The following RNF19A variants were observed in gnomAD, a reference collection of about 807,000 sequenced individuals.
RNF19A encodes the protein E3 ubiquitin-protein ligase RNF19A.
In RNF19A, 32 loss-of-function variants were observed where a neutral mutation model predicts 75.7. That is an observed-to-expected ratio of 0.42 (90% CI 0.32 to 0.57). The LOEUF (loss-of-function observed/expected upper bound fraction) is 0.57, where lower values mean the gene tolerates loss of function less well. RNF19A is among the 20% of genes least tolerant of loss of function. The probability of loss-of-function intolerance (pLI) is 0.10; values close to 1 mark genes in which losing one functional copy is unlikely to be tolerated. For missense variants in RNF19A, 782 were observed against 1,036.3 expected, an observed-to-expected ratio of 0.75 and a Z score of 3.37; for synonymous variants, 335 against 345.2, an observed-to-expected ratio of 0.97 and a Z score of 0.33.
intron 1 of RNF19A, among the ~76,000 whole-genome samples, chr8:100,318,234 A>G (rs1045295081): frequency 1.3e-5 from 2 of 152,170 alleles, no homozygotes; most frequent in African/African-American, 4.8e-5. Flanking sequence ...CTGGAAACCT[A>G]ATTGTGGAAC....
chr8:100,295,153 G>A (rs915214492), intron 1 of RNF19A, among the ~76,000 whole-genome samples: 2 of 152,064 alleles, frequency 1.3e-5, no homozygotes, highest in African/African-American at 2.4e-5. Flanking sequence ...ACTTTGCAAG[G>A]ATCTAAATTT....
intron 1 of RNF19A, chr8:100,309,565 G>A (rs1822213219): frequency 2.0e-6 from 2 of 980,518 alleles, no homozygotes; most frequent in Non-Finnish European, 2.4e-6. Flanking sequence ...CAGGCACCAG[G>A]AGGACAGGGC....
chr8:100,308,679 C>A (rs1052790476), intron 1 of RNF19A, among the ~76,000 whole-genome samples: 2 of 138,328 alleles, frequency 1.4e-5, no homozygotes, highest in African/African-American at 5.0e-5. Context: ...ATGAAAAGAA[C>A]CATGTTCTTT....
At chr8:100,293,739 T>C (rs1298186067) in intron 1 of RNF19A, among the ~76,000 whole-genome samples, 2 of 152,212 alleles carry the variant, frequency 1.3e-5, no homozygotes, top group Non-Finnish European at 2.9e-5. Flanking sequence ...ATTATTTGTA[T>C]GTCAGTTTGA....
chr8:100,266,626 C>T (rs1400935409), intron 5 of RNF19A, among the ~76,000 whole-genome samples: 1 of 152,088 alleles, frequency 6.6e-6, no homozygotes, highest in African/African-American at 2.4e-5. Context: ...TCCTCCCATC[C>T]CAGCTTCCTT....
chr8:100,273,907 G>T (rs1204062500), intron 3 of RNF19A, among the ~76,000 whole-genome samples: 1 of 151,952 alleles, frequency 6.6e-6, no homozygotes, highest in Non-Finnish European at 1.5e-5. Context: ...CTCACCTCCC[G>T]AGTAGCTGGG....
In RNF19A at chr8:100,323,899, A is replaced by G. The variant is rs1186982256; in HGVS notation, c.-242-10527T>C. 1.3e-5 allele frequency among the ~76,000 whole-genome samples: 2 copies of G among 152,216 alleles called. No individual in the cohort carries two copies. Among genetic ancestry groups the G allele is most frequent in the Non-Finnish European group, 2.9e-5 (2 of 68,034 alleles). On this transcript the variant is annotated intron_variant, in intron 1 of 3. Coordinates refer to the RNF19A transcript ENST00000519527. The surrounding 1 kb of genome is among the most constrained non-coding windows in gnomAD (Gnocchi z 4.6). ...AACATTCCTGTCAACGATCAAAGAA[A>G]GTAAGATTTTTAAATGGTTGGATAA...
chr8:100,333,989 A>G lies in RNF19A; in HGVS notation c.-243+2119T>C, dbSNP rs1461873191. On this transcript the variant is annotated intron_variant, in intron 1 of 3. Coordinates refer to the RNF19A transcript ENST00000519527. This position sits in a 1 kb window ranked among gnomAD's most constrained non-coding sequence, Gnocchi z 4.7. The stretch of plus-strand genomic sequence containing the variant: ...CCAAGTGTATTTACTACTACTGCCC[A>G]ATAAACATCCTCCACCCTAGTTGGA... Among the ~76,000 whole-genome samples, 4 of 152,244 alleles carry G rather than the reference A, an allele frequency of 2.6e-5. No homozygotes were observed. The highest frequency in any genetic ancestry group is 9.6e-5 in the African/African-American group (4 of 41,458).
chr8:100,285,690 T>C (rs913530559), intron 2 of RNF19A, among the ~76,000 whole-genome samples: 5 of 151,968 alleles, frequency 3.3e-5, no homozygotes, highest in Admixed American at 6.6e-5. Context: ...TGGAGTATAG[T>C]GGCGCAATCA....
intron 1 of RNF19A, chr8:100,309,637 C>G (rs1822217525): frequency 4.3e-6 from 4 of 931,096 alleles, no homozygotes; most frequent in South Asian, 4.9e-5. Context: ...GCGCCTGGGC[C>G]GGGTAGGGGA....
Position 100,332,901 on chromosome 8 carries a change from T to C in RNF19A, c.-243+3207A>G, listed in dbSNP as rs562122641. On this transcript the variant is annotated intron_variant, in intron 1 of 3. Transcript: ENST00000519527. This position sits in a 1 kb window ranked among gnomAD's most constrained non-coding sequence, Gnocchi z 4.8. Reference sequence around the variant, plus strand: ...GTGGAAATTAGCCTCTTTTCTATCATATGTGTTTCAATTTTTTTCTATATT... The same window carrying C: ...GTGGAAATTAGCCTCTTTTCTATCACATGTGTTTCAATTTTTTTCTATATT... 1.3e-5 allele frequency among the ~76,000 whole-genome samples: 2 copies of C among 152,362 alleles called. No homozygotes were observed. The highest frequency in any genetic ancestry group is 1.9e-4 in the East Asian group (1 of 5,192).
chr8:100,309,547 C>A (rs979517942), intron 1 of RNF19A: 15 of 984,702 alleles, frequency 1.5e-5, no homozygotes, highest in Admixed American at 6.1e-5. Context: ...GGCCGGCCGC[C>A]GGCCGCACAG....
At chr8:100,291,480 A>G (rs1471285024) in intron 1 of RNF19A, among the ~76,000 whole-genome samples, 3 of 152,218 alleles carry the variant, frequency 2.0e-5, no homozygotes, top group African/African-American at 7.2e-5. Flanking sequence ...TTCGTAAAAC[A>G]TGTTAAGTAT....
At chr8:100,321,606 C>T (rs1822466661) in intron 1 of RNF19A, among the ~76,000 whole-genome samples, 2 of 152,184 alleles carry the variant, frequency 1.3e-5, no homozygotes, top group African/African-American at 4.8e-5. Flanking sequence ...AAATAGCTTC[C>T]AGCTTGGTGC....
intron 1 of RNF19A, among the ~76,000 whole-genome samples, chr8:100,316,469 C>G (rs1822377253): frequency 6.6e-6 from 1 of 152,066 alleles, no homozygotes; most frequent in South Asian, 2.1e-4. Context: ...TGATTGGTGC[C>G]TTTACAATCC....
In RNF19A at chr8:100,260,788, T is replaced by C. The variant is rs1403943235; in HGVS notation, c.1682+754A>G. ...TTTTCCTACTTATCTATATGGCTAT[T>C]GATAAAAGACTTGGTGAGAACAAAG... is the stretch of plus-strand genomic sequence containing the variant. On this transcript the variant is annotated intron_variant, in intron 8 of 9. Coordinates refer to ENST00000341084, the MANE Select transcript of RNF19A (RefSeq NM_183419.4). This position sits in a 1 kb window ranked among gnomAD's most constrained non-coding sequence, Gnocchi z 4.1. 1.3e-5 allele frequency among the ~76,000 whole-genome samples: 2 copies of C among 152,192 alleles called. No individual in the cohort carries two copies. The highest frequency in any genetic ancestry group is 1.3e-4 in the Admixed American group (2 of 15,284).
chr8:100,315,220 G>A lies in RNF19A; in HGVS notation c.-242-1848C>T, dbSNP rs184863992. Among the ~76,000 whole-genome samples the A allele has an allele frequency of 3.3e-5, 5 of 152,270 alleles. No individual in the cohort carries two copies. In the East Asian group the frequency reaches 9.6e-4, roughly 29 times the overall value. On this transcript the variant is annotated intron_variant, in intron 1 of 3. Transcript: ENST00000519527. ...AAAGGATCACTTAAGCCTGGGAGTTGTAGGGTGCAGTGAGCCAAGATCACA... is the reference window on the plus strand; with the variant it reads ...AAAGGATCACTTAAGCCTGGGAGTTATAGGGTGCAGTGAGCCAAGATCACA...
In RNF19A at chr8:100,261,303, G is replaced by C. The variant is rs936108093; in HGVS notation, c.1682+239C>G. ...AGTAGAGATGGGGTTTCGCCATGTT[G>C]CCCAGGCTGGTCTCGAACTCCTGAG... On this transcript the variant is annotated intron_variant, in intron 8 of 9. Transcript: ENST00000341084. This position sits in a 1 kb window ranked among gnomAD's most constrained non-coding sequence, Gnocchi z 4.4. Among the ~76,000 whole-genome samples the C allele has an allele frequency of 6.6e-6, 1 of 151,946 alleles. No homozygotes were observed.
rs1455925986 is a variant in RNF19A, at chr8:100,284,620, A to G, written c.674+2881T>C. On this transcript the variant is annotated intron_variant, in intron 2 of 9. Transcript: ENST00000341084. The surrounding 1 kb of genome is among the most constrained non-coding windows in gnomAD (Gnocchi z 4.3). ...AAGCAAGTGTTTCTATTATTTTATG[A>G]TATTTTATATTTGAGTTAACATTTG... 6.6e-6 allele frequency among the ~76,000 whole-genome samples: 1 copy of G among 152,024 alleles called. No homozygotes were observed. Among genetic ancestry groups the G allele is most frequent in the East Asian group, 1.9e-4 (1 of 5,202 alleles).
Sources: gnomAD v4.1 joint callset for allele counts (sites outside exome capture counted in the v4.1 genomes callset) on GRCh38, gnomAD v4.1.1 for gene constraint, Gnocchi (gnomAD v3.1) non-coding constraint, MANE v1.5 for transcripts, NCBI Gene and HGNC (gene_info 2026-07-23, HGNC 2026-07-21) for gene names.